CNTN4: variants seen among roughly 807,000 people sequenced by gnomAD.
CNTN4 encodes the protein contactin 4, also known as contactin-4.
CNTN4 carries 77 observed loss-of-function variants against 122.5 expected under a neutral mutation model. The ratio of observed to expected loss-of-function variants is 0.63; its 90% confidence interval spans 0.52 to 0.76. CNTN4 has a LOEUF of 0.76. CNTN4 is among the 30% of genes least tolerant of loss of function. The pLI is 0.00. For missense variants in CNTN4, 1,256 were observed against 1,259.1 expected (o/e 1.00, Z 0.04); for synonymous variants, 512 against 447.0 (o/e 1.15, Z -1.83).
intron 2 of CNTN4, among the ~76,000 whole-genome samples, chr3:2,333,053 T>C (rs1312968241): frequency 1.3e-5 from 2 of 152,180 alleles, no homozygotes; most frequent in African/African-American, 2.4e-5. Flanking sequence ...CATCTGTCTC[T>C]ATCCTCTCCA....
At chr3:2,906,758 C>G (rs939005980) in intron 12 of CNTN4, among the ~76,000 whole-genome samples, 6 of 150,684 alleles carry the variant, frequency 4.0e-5, no homozygotes, top group Admixed American at 4.0e-4. Flanking sequence ...GCAGGAGAAT[C>G]ACTTAGACCC....
chr3:2,940,634 CAGA>C (rs2094606757), intron 13 of CNTN4, among the ~76,000 whole-genome samples: 1 of 151,760 alleles, frequency 6.6e-6, no homozygotes, highest in South Asian at 2.1e-4. Context: ...AAGGAGAGAG[CAGA>C]AGAATGGACT....
intron 7 of CNTN4, among the ~76,000 whole-genome samples, chr3:2,847,168 A>AAAC (rs1275586449): frequency 1.3e-5 from 2 of 149,218 alleles, no homozygotes; most frequent in Non-Finnish European, 3.0e-5. Flanking sequence ...AAATGTTGCA[A>AAAC]AAAAAAAAAA....
intron 3 of CNTN4, among the ~76,000 whole-genome samples, chr3:2,536,598 T>C (rs1446547633): frequency 6.6e-6 from 1 of 151,804 alleles, no homozygotes; most frequent in Non-Finnish European, 1.5e-5. Flanking sequence ...TTTTTTTTTT[T>C]TTTTTGGTAG....
intron 4 of CNTN4, among the ~76,000 whole-genome samples, chr3:2,638,765 C>A (rs1278921092): frequency 1.3e-5 from 2 of 152,156 alleles, no homozygotes; most frequent in Admixed American, 1.3e-4. Context: ...CACATGTCCC[C>A]ATTTCAGATA....
intron 7 of CNTN4, among the ~76,000 whole-genome samples, chr3:2,859,169 T>G (rs1261118172): frequency 6.6e-6 from 1 of 152,242 alleles, no homozygotes; most frequent in Non-Finnish European, 1.5e-5. Flanking sequence ...CTTGTCTTTC[T>G]GTGCCTGGCT....
chr3:2,450,981 A>T (rs1206924167), intron 3 of CNTN4, among the ~76,000 whole-genome samples: 5 of 152,144 alleles, frequency 3.3e-5, no homozygotes, highest in Non-Finnish European at 7.4e-5. Context: ...CTAGGGAACA[A>T]GTGAGGAAGG....
At chr3:2,298,760 C>T (rs914948935) in intron 2 of CNTN4, among the ~76,000 whole-genome samples, 4 of 152,166 alleles carry the variant, frequency 2.6e-5, no homozygotes, top group East Asian at 1.9e-4. Flanking sequence ...AAAGAAATTA[C>T]GTGGCATATA....
intron 13 of CNTN4, among the ~76,000 whole-genome samples, chr3:2,968,871 A>T (rs1484422918): frequency 2.6e-5 from 4 of 152,256 alleles, no homozygotes; most frequent in Middle Eastern, 3.4e-3. Context: ...CTCTGTATAC[A>T]CTGTCTCACA....
In CNTN4 at chr3:2,917,250, A is replaced by G. The variant is rs190002396; in HGVS notation, c.1208-8379A>G. Among the ~76,000 whole-genome samples the G allele has an allele frequency of 1.8e-3, 275 of 151,994 alleles. 1 individual carries two copies. The highest frequency in any genetic ancestry group is 6.4e-3 in the African/African-American group (266 of 41,368). On this transcript the variant is annotated intron_variant, in intron 12 of 24. Transcript: ENST00000418658. Reference sequence around the variant, plus strand: ...GGTCGCAGTGAGCCGAGATGGCAGCAGCACAGTCCAGCTTCGGCATCAGAG... The same window carrying G: ...GGTCGCAGTGAGCCGAGATGGCAGCGGCACAGTCCAGCTTCGGCATCAGAG...
At chr3:2,446,519 G>A (rs2048631142) in intron 3 of CNTN4, among the ~76,000 whole-genome samples, 1 of 152,068 alleles carries the variant, frequency 6.6e-6, no homozygotes, top group African/African-American at 2.4e-5. Flanking sequence ...TTCTCTCCCT[G>A]ATTCCTTTCA....
At chr3:2,658,463 C>A (rs1432550534) in intron 4 of CNTN4, among the ~76,000 whole-genome samples, 3 of 152,152 alleles carry the variant, frequency 2.0e-5, no homozygotes, top group Non-Finnish European at 4.4e-5. Context: ...TGGACACTCT[C>A]ATTTGTCAAA....
At chr3:2,727,545 C>A (rs2088315453) in intron 4 of CNTN4, among the ~76,000 whole-genome samples, 1 of 152,168 alleles carries the variant, frequency 6.6e-6, no homozygotes, top group Non-Finnish European at 1.5e-5. Context: ...GAGTAGGATA[C>A]ATTGATACAG....
rs1215360322 is a variant in CNTN4, at chr3:3,038,871, C to T, written c.2093-62C>T. 2.8e-6 allele frequency: 4 copies of T among 1,424,586 alleles called. No homozygotes were observed. In the Admixed American group the frequency reaches 6.7e-5, roughly 24 times the overall value. The allele number at this position is 1,424,586 out of a possible 1,614,324, so 88.2% of individuals were successfully genotyped here. On this transcript the variant is annotated intron_variant, in intron 18 of 24. Transcript: ENST00000418658. ...AAAGTGAGTCACCTCTGCCAGGCAA[C>T]CTTCCTGGCCCTCATTCGCCTTTGC...
intron 2 of CNTN4, among the ~76,000 whole-genome samples, chr3:2,147,817 CTT>C: frequency 6.6e-6 from 1 of 152,306 alleles, no homozygotes; most frequent in South Asian, 2.1e-4. Context: ...GATGGCCTGT[CTT>C]TTTCCAAATG....
chr3:2,846,868 T>C (rs554296233), intron 7 of CNTN4, among the ~76,000 whole-genome samples: 1 of 152,190 alleles, frequency 6.6e-6, no homozygotes, highest in Admixed American at 6.5e-5. Flanking sequence ...TGGTGGTGCA[T>C]GCCTATAATC....
intron 2 of CNTN4, among the ~76,000 whole-genome samples, chr3:2,138,311 A>T (rs910527859): frequency 6.6e-6 from 1 of 151,776 alleles, no homozygotes; most frequent in African/African-American, 2.4e-5. Flanking sequence ...CAAGTGATCC[A>T]CCTGCCTTGG....
chr3:2,648,414 C>T (rs942400289), intron 4 of CNTN4, among the ~76,000 whole-genome samples: 2 of 152,164 alleles, frequency 1.3e-5, no homozygotes, highest in African/African-American at 4.8e-5. Flanking sequence ...TACTTTGTAT[C>T]TCAGTGTCAC....
At position 2,566,652 on chromosome 3, in the gene CNTN4, T is replaced by C. The variant is rs565143994; in HGVS notation, c.-88-4764T>C. 3.3e-4 allele frequency among the ~76,000 whole-genome samples: 50 copies of C among 152,324 alleles called. 1 individual carries two copies. In the South Asian group the frequency reaches 9.9e-3, roughly 30 times the overall value. ...TCCAAGTTTAAATAAACGATGATAG[T>C]TAATGCTCACATACAAAACAAGCCA... On this transcript the variant is annotated intron_variant, in intron 3 of 24. Transcript: ENST00000418658.
Sources: gnomAD v4.1 joint callset for allele counts (sites outside exome capture counted in the v4.1 genomes callset) on GRCh38, gnomAD v4.1.1 for gene constraint, MANE v1.5 for transcripts, NCBI Gene and HGNC (gene_info 2026-07-23, HGNC 2026-07-21) for gene names.